ZNF398: variants seen among roughly 807,000 people sequenced by gnomAD.
ZNF398 encodes the protein zinc finger DNA binding protein ZER6.
A neutral mutation model predicts 41.9 loss-of-function variants in ZNF398; 18 were observed. The observed-to-expected ratio is 0.43, with a 90% CI of 0.30 to 0.64. ZNF398 has a LOEUF of 0.64. ZNF398 is among the 30% of genes least tolerant of loss of function. The pLI, the probability that ZNF398 is intolerant of heterozygous loss-of-function variation, is 0.14. For synonymous variants in ZNF398, 260 were observed against 308.8 expected, an observed-to-expected ratio of 0.84 and a Z score of 1.66; for missense variants, 669 against 822.8, an observed-to-expected ratio of 0.81 and a Z score of 2.29.
intron 4 of ZNF398, among the ~76,000 whole-genome samples, chr7:149,172,077 A>G (rs1376250987): frequency 1.3e-5 from 2 of 152,148 alleles, no homozygotes; most frequent in Non-Finnish European, 2.9e-5. Context: ...CTACTATACA[A>G]ATGTTACATG....
intron 1 of ZNF398, chr7:149,126,682 A>C: frequency 5.9e-6 from 1 of 168,946 alleles, no homozygotes; most frequent in Non-Finnish European, 1.3e-5. Context: ...GTTCCTTCCA[A>C]AGCTGCCCCC....
At chr7:149,177,866 G>A (rs1239430456) in intron 5 of ZNF398, among the ~76,000 whole-genome samples, 1 of 152,132 alleles carries the variant, frequency 6.6e-6, no homozygotes, top group Non-Finnish European at 1.5e-5. Context: ...TTTCTGATGA[G>A]GGCTGGGTGT....
At position 149,179,095 on chromosome 7, in the gene ZNF398, C is replaced by G; in HGVS notation, c.1223C>G (p.Thr408Ser). ...TGCCCACACTGTGCCAGGACTTTTACTCACCCATCAAGACTTACCTACCAT... is the reference window on the plus strand; with the variant it reads ...TGCCCACACTGTGCCAGGACTTTTAGTCACCCATCAAGACTTACCTACCAT... ...PTCPHCARTFTHPSRLTYHLR... is the reference protein window; with the variant it reads ...PTCPHCARTFSHPSRLTYHLR... The change falls in exon 6 of 6, where the codon ACT (threonine) becomes AGT (serine). Residue 408 changes from threonine to serine, a missense_variant. By Grantham distance (58) the Thr-to-Ser change is moderately conservative. Around this residue, in one of 3 missense-constraint regions of ZNF398, gnomAD observed 290 missense variants for 292.9 expected, o/e 0.99. Coordinates refer to ENST00000475153, the MANE Select transcript of ZNF398 (RefSeq NM_170686.3). The surrounding 1 kb of genome is among the most constrained non-coding windows in gnomAD (Gnocchi z 6.1). 1 of 1,614,130 alleles carries G rather than the reference C, an allele frequency of 6.2e-7. No individual in the cohort carries two copies. Among genetic ancestry groups the G allele is most frequent in the South Asian group, 1.1e-5 (1 of 91,076 alleles).
At chr7:149,164,521 C>T (rs1192176304) in intron 2 of ZNF398, among the ~76,000 whole-genome samples, 1 of 152,012 alleles carries the variant, frequency 6.6e-6, no homozygotes, top group Non-Finnish European at 1.5e-5. Flanking sequence ...CTAGAGGCAG[C>T]AAGAGTGAGC....
intron 5 of ZNF398, among the ~76,000 whole-genome samples, chr7:149,177,114 T>C (rs1305138411): frequency 1.3e-5 from 2 of 150,596 alleles, no homozygotes; most frequent in African/African-American, 4.9e-5. Flanking sequence ...GCTTAATGCA[T>C]TCTGTTTTTT....
In ZNF398 at chr7:149,151,096, T is replaced by C. The variant is rs567692418; in HGVS notation, c.25-2849T>C. ...GTGCTGAGGCTTTGTAGTAGCCACTTTATGGAATGGGACAAGCGGCATGGA... is the reference window on the plus strand; with the variant it reads ...GTGCTGAGGCTTTGTAGTAGCCACTCTATGGAATGGGACAAGCGGCATGGA... On this transcript the variant is annotated intron_variant, in intron 1 of 5. Coordinates refer to ENST00000475153, the MANE Select transcript of ZNF398 (RefSeq NM_170686.3). The C allele has an allele frequency of 1.1e-5, 4 of 374,096 alleles. No individual in the cohort carries two copies. The South Asian group carries it at 2.1e-4, about 19-fold the overall frequency. 23.2% of individuals were successfully genotyped at this position (374,096 alleles called of 1,614,324 possible).
intron 1 of ZNF398, chr7:149,148,627 C>T (rs1827023154): frequency 3.3e-6 from 1 of 301,942 alleles, no homozygotes; most frequent in South Asian, 1.3e-4. Context: ...ACCTGTTTTT[C>T]TTTTTTCCAA....
rs1826994571 is a variant in ZNF398, at chr7:149,147,861, G to GA, written c.24+95_24+96insA. Reference sequence around the variant, plus strand: ...CAGGGAGCTGCCAGGCATAGGCGCCGTTCTCGGGTCCCGCCGGCCACGTCG... The same window carrying GA: ...CAGGGAGCTGCCAGGCATAGGCGCCGATTCTCGGGTCCCGCCGGCCACGTCG... On this transcript the variant is annotated intron_variant, in intron 1 of 5. Coordinates refer to ENST00000475153, the MANE Select transcript of ZNF398 (RefSeq NM_170686.3). This position sits in a 1 kb window ranked among gnomAD's most constrained non-coding sequence, Gnocchi z 5.6. The GA allele has an allele frequency of 1.2e-5, 15 of 1,280,980 alleles. No homozygotes were observed. Among genetic ancestry groups the GA allele is most frequent in the Non-Finnish European group, 1.5e-5 (15 of 1,002,140 alleles). 79.4% of individuals were successfully genotyped at this position (1,280,980 alleles called of 1,614,324 possible).
intron 2 of ZNF398, among the ~76,000 whole-genome samples, chr7:149,157,099 T>A (rs1386909489): frequency 6.6e-6 from 1 of 152,046 alleles, no homozygotes; most frequent in African/African-American, 2.4e-5. Flanking sequence ...ACTGGGTAGA[T>A]GGTGTTGGAG....
In ZNF398 at chr7:149,179,694, C is replaced by G. The variant is rs143085255; in HGVS notation, c.1822C>G (p.Pro608Ala). The stretch of plus-strand genomic sequence containing the variant: ...CCCATCAGGTCAGCCACCCAACCCA[C>G]CAGGTCCCCTCATAACTGGGCTTGA... The part of the protein sequence containing the change: ...SDPSGQPPNP[P>A]GPLITGLETS... Residue 608 changes from proline to alanine, a missense_variant, in exon 6 of 6, where the codon CCA becomes GCA. Transcript: ENST00000475153. The surrounding 1 kb of genome is among the most constrained non-coding windows in gnomAD (Gnocchi z 6.1). 1.1e-5 allele frequency: 18 copies of G among 1,614,092 alleles called. No homozygotes were observed. In the African/African-American group the frequency reaches 2.1e-4, roughly 19 times the overall value.
intron 2 of ZNF398, among the ~76,000 whole-genome samples, chr7:149,156,066 A>G (rs946997099): frequency 1.3e-5 from 2 of 152,018 alleles, no homozygotes; most frequent in Admixed American, 6.6e-5. Context: ...TGCTTTGTGG[A>G]GGATGGATCG....
rs369019036 is a variant in ZNF398 at position 149,153,937 on chromosome 7, G to C, written c.25-8G>C. 1 of 1,600,468 alleles carries C rather than the reference G, an allele frequency of 6.2e-7. No individual in the cohort carries two copies. Among genetic ancestry groups the C allele is most frequent in the East Asian group, 2.2e-5 (1 of 44,782 alleles). On this transcript the variant is annotated splice_region_variant and splice_polypyrimidine_tract_variant and intron_variant, in intron 1 of 5. Coordinates refer to ENST00000475153, the MANE Select transcript of ZNF398 (RefSeq NM_170686.3). ...CAATGTCTTGTTCCATCTTTCCACT[G>C]CATGCAGACATCTGAATGGGACTCC... is the stretch of plus-strand genomic sequence containing the variant.
Position 149,182,603 on chromosome 7 carries a change from C to G in ZNF398, c.*2802C>G, listed in dbSNP as rs552140594. ...AAAGGGGAAACCCCAGAAACGTGCTCTTCATCTGTCAGCCTTTTGGACCAA... is the reference window on the plus strand; with the variant it reads ...AAAGGGGAAACCCCAGAAACGTGCTGTTCATCTGTCAGCCTTTTGGACCAA... On this transcript the variant is annotated 3_prime_UTR_variant, in exon 6 of 6. Transcript: ENST00000475153. 2 of 152,236 alleles carry G rather than the reference C, an allele frequency of 1.3e-5. No individual in the cohort carries two copies. The highest frequency in any genetic ancestry group is 2.4e-5 in the African/African-American group (1 of 41,458). The allele number at this position is 152,236 out of a possible 1,614,324, so 9.4% of individuals were successfully genotyped here. A position where few individuals can be genotyped will look rare whatever the true frequency, so the allele number is the denominator to read the frequency against.
At chr7:149,161,079 C>A (rs541534370) in intron 2 of ZNF398, among the ~76,000 whole-genome samples, 1 of 152,088 alleles carries the variant, frequency 6.6e-6, no homozygotes, top group Non-Finnish European at 1.5e-5. Context: ...CCCTTTGGCA[C>A]TGTGTCTCCT....
At position 149,176,575 on chromosome 7, in the gene ZNF398, T is replaced by A; in HGVS notation, c.769T>A (p.Tyr257Asn). Residue 257 changes from tyrosine (Y) to asparagine (N), a missense_variant, in exon 5 of 6, where the codon TAT (tyrosine) becomes AAT (asparagine). Physicochemically the swap from Tyr to Asn is moderately radical, Grantham distance 143. Transcript: ENST00000475153. The part of the protein sequence containing the change: ...SKESDVYKST[Y>N]ADEELVIKAE... ...GGAGAGTGACGTGTACAAAAGCACT[T>A]ATGCTGGTGAGTATGAAATTAAAGA... is the stretch of plus-strand genomic sequence containing the variant. 1 of 1,598,224 alleles carries A rather than the reference T, an allele frequency of 6.3e-7. No homozygotes were observed. The highest frequency in any genetic ancestry group is 8.5e-7 in the Non-Finnish European group (1 of 1,172,604).
At chr7:149,164,567 G>T (rs1795186567) in intron 2 of ZNF398, among the ~76,000 whole-genome samples, 1 of 152,146 alleles carries the variant, frequency 6.6e-6, no homozygotes, top group African/African-American at 2.4e-5. Flanking sequence ...AAGTGAACTG[G>T]ATGGTTTACT....
chr7:149,179,706 A>G lies in ZNF398; in HGVS notation c.1834A>G (p.Ile612Val), dbSNP rs1585546854. The change falls in exon 6 of 6, where the codon ATA (isoleucine) becomes GTA (valine). Residue 612 changes from isoleucine (I) to valine (V), a missense_variant. Ile to Val is a conservative substitution (Grantham distance 29). Around this residue, in one of 3 missense-constraint regions of ZNF398, gnomAD observed 210 missense variants for 290.4 expected, o/e 0.72. Transcript: ENST00000475153. This position sits in a 1 kb window ranked among gnomAD's most constrained non-coding sequence, Gnocchi z 6.1. ...GCCACCCAACCCACCAGGTCCCCTC[A>G]TAACTGGGCTTGAAACTTCTGGCCT... ...GQPPNPPGPL[I>V]TGLETSGLGV... 6.2e-7 allele frequency: 1 copy of G among 1,614,202 alleles called. No homozygotes were observed. Among genetic ancestry groups the G allele is most frequent in the East Asian group, 2.2e-5 (1 of 44,888 alleles).
At chr7:149,148,724 A>C (rs1827026304) in intron 1 of ZNF398, among the ~76,000 whole-genome samples, 1 of 152,202 alleles carries the variant, frequency 6.6e-6, no homozygotes, top group Non-Finnish European at 1.5e-5. Context: ...GAAGCCGCAT[A>C]CAAAACTCTA....
intron 1 of ZNF398, chr7:149,148,656 G>T (rs1402592431): frequency 5.8e-6 from 1 of 172,208 alleles, no homozygotes; most frequent in Non-Finnish European, 1.2e-5. Context: ...TTTGTGTATA[G>T]GTGGGATGGT....
Sources: allele counts gnomAD v4.1 joint callset (sites outside exome capture counted in the v4.1 genomes callset), GRCh38; gene constraint gnomAD v4.1.1; regional missense constraint gnomAD v4.1.1; non-coding constraint Gnocchi (gnomAD v3.1); transcripts MANE v1.5; gene names NCBI Gene and HGNC (gene_info 2026-07-23, HGNC 2026-07-21).